The following NCKAP5 variants were observed in gnomAD, a reference collection of about 807,000 sequenced individuals.
NCKAP5 encodes nck-associated protein 5.
NCKAP5 carries 92 observed loss-of-function variants against 167.0 expected under a neutral mutation model. The ratio of observed to expected loss-of-function variants is 0.55; its 90% CI spans 0.47 to 0.66. The LOEUF (loss-of-function observed/expected upper bound fraction) is 0.66. Among genes scored for constraint, NCKAP5 ranks in the 30% least tolerant of loss-of-function variants. NCKAP5 has a pLI of 0.00. For missense variants in NCKAP5, 2,378 were observed against 2,315.0 expected, an observed-to-expected ratio of 1.03 and a Z score of -0.56; for synonymous variants, 891 against 877.4, an observed-to-expected ratio of 1.02 and a Z score of -0.27.
At chr2:133,501,417 C>T (rs1041190697) in intron 3 of NCKAP5, among the ~76,000 whole-genome samples, 3 of 152,104 alleles carry the variant, frequency 2.0e-5, no homozygotes, top group African/African-American at 4.8e-5. Context: ...TTGATTCAAT[C>T]TAGGGAAGCT....
Position 132,785,495 on chromosome 2 carries a change from G to A in NCKAP5, c.1316C>T (p.Pro439Leu). The A allele has an allele frequency of 3.1e-6, 5 of 1,613,090 alleles. No individual in the cohort carries two copies. The highest frequency in any genetic ancestry group is 4.2e-6 in the Non-Finnish European group (5 of 1,179,478). The change falls in exon 14 of 20, where the codon CCT (proline) becomes CTT (leucine). Residue 439 changes from proline to leucine, a missense_variant. By Grantham distance (98) the Pro-to-Leu change is moderately conservative. Coordinates refer to ENST00000409261, the MANE Select transcript of NCKAP5 (RefSeq NM_207363.3). ...CTTGAGGCTGCTACTTTTAATTCCA[G>A]GAGAATATATTCCTTCATTCGAGTT... is the stretch of plus-strand genomic sequence containing the variant. The part of the protein sequence containing the change: ...CMNSNEGIYS[P>L]GIKSSSLKEY...
Position 133,428,103 on chromosome 2 carries a change from C to A in NCKAP5, c.69+89355G>T, listed in dbSNP as rs189378940. Among the ~76,000 whole-genome samples the A allele has an allele frequency of 2.7e-3, 411 of 152,094 alleles. 1 individual carries two copies. The highest frequency in any genetic ancestry group is 9.3e-3 in the African/African-American group (388 of 41,524). ...TATTTTTGAAAGAACGGGCACTAGG[C>A]AAAAGTCACTCTACAGTTCATGTGG... On this transcript the variant is annotated intron_variant, in intron 3 of 19. Coordinates refer to ENST00000409261, the MANE Select transcript of NCKAP5 (RefSeq NM_207363.3).
chr2:132,998,738 A>C (rs1199928334), intron 6 of NCKAP5, among the ~76,000 whole-genome samples: 1 of 152,162 alleles, frequency 6.6e-6, no homozygotes, highest in Non-Finnish European at 1.5e-5. Flanking sequence ...CTAATGAATG[A>C]AAGTTTGCAT....
intron 3 of NCKAP5, among the ~76,000 whole-genome samples, chr2:133,327,902 T>C (rs1331487281): frequency 6.6e-6 from 1 of 152,152 alleles, no homozygotes; most frequent in Non-Finnish European, 1.5e-5. Context: ...GAGGGGCTGG[T>C]ACTGGCTGTT....
chr2:132,874,266 G>T (rs987139052), intron 9 of NCKAP5, among the ~76,000 whole-genome samples: 8 of 151,884 alleles, frequency 5.3e-5, no homozygotes, highest in South Asian at 2.1e-4. Flanking sequence ...CCACCACCAT[G>T]CCTGGTTAAT....
intron 3 of NCKAP5, among the ~76,000 whole-genome samples, chr2:133,311,225 GC>G (rs1477306776): frequency 1.7e-4 from 26 of 152,280 alleles, no homozygotes; most frequent in African/African-American, 6.3e-4. Flanking sequence ...ACATCCTCAA[GC>G]TTGATTAATT....
chr2:133,496,704 T>G (rs1327722228), intron 3 of NCKAP5, among the ~76,000 whole-genome samples: 1 of 152,194 alleles, frequency 6.6e-6, no homozygotes, highest in African/African-American at 2.4e-5. Context: ...TGTGTTTTAA[T>G]GAGTCTTTCA....
In NCKAP5 at chr2:133,510,971, G is replaced by A. The variant is rs368988671; in HGVS notation, c.69+6487C>T. 3.9e-5 allele frequency among the ~76,000 whole-genome samples: 6 copies of A among 152,314 alleles called. No individual in the cohort carries two copies. In the East Asian group the frequency reaches 7.7e-4, roughly 20 times the overall value. On this transcript the variant is annotated intron_variant, in intron 3 of 19. Coordinates refer to ENST00000409261, the MANE Select transcript of NCKAP5 (RefSeq NM_207363.3). ...TTCCATATAAAGTATTGAGCAGCAT[G>A]CCTAGCCTATATTAAGCCTCCATAA...
chr2:132,703,450 T>A (rs1283447637), intron 19 of NCKAP5, among the ~76,000 whole-genome samples: 1 of 152,190 alleles, frequency 6.6e-6, no homozygotes, highest in Non-Finnish European at 1.5e-5. Context: ...TTGCCTGGAT[T>A]TACTAGATTT....
chr2:133,511,178 C>T (rs891446217), intron 3 of NCKAP5, among the ~76,000 whole-genome samples: 1 of 152,224 alleles, frequency 6.6e-6, no homozygotes, highest in Non-Finnish European at 1.5e-5. Flanking sequence ...TCCATTCAGA[C>T]TGTCCCCAGC....
intron 5 of NCKAP5, among the ~76,000 whole-genome samples, chr2:133,160,233 G>T (rs2083731807): frequency 6.6e-6 from 1 of 152,022 alleles, no homozygotes; most frequent in Non-Finnish European, 1.5e-5. Context: ...GGAAGGATCT[G>T]CTCCAGGCCT....
At chr2:133,436,105 C>G (rs1690460034) in intron 3 of NCKAP5, among the ~76,000 whole-genome samples, 1 of 152,162 alleles carries the variant, frequency 6.6e-6, no homozygotes. Flanking sequence ...TTTACCATCC[C>G]CCCACTCCCC....
intron 8 of NCKAP5, among the ~76,000 whole-genome samples, chr2:132,959,822 T>A (rs2076459630): frequency 6.6e-6 from 1 of 152,034 alleles, no homozygotes. Context: ...TTGTTCTAAG[T>A]CAAATAAACA....
chr2:133,115,812 T>C lies in NCKAP5; in HGVS notation c.341+14166A>G, dbSNP rs1162355978. On this transcript the variant is annotated intron_variant, in intron 6 of 19. Transcript: ENST00000409261. ...ATATATATATATATATATATATATA[T>C]ATATAGTGTTCACACACACACACAC... 1.1e-3 allele frequency among the ~76,000 whole-genome samples: 97 copies of C among 87,698 alleles called. 2 individuals are homozygous for C. The highest frequency in any genetic ancestry group is 5.0e-3 in the African/African-American group (90 of 17,848). The allele number at this position is 87,698 out of a possible 152,430, so 57.5% of individuals were successfully genotyped here. A position where few individuals can be genotyped will look rare whatever the true frequency, so the allele number is the denominator to read the frequency against.
At chr2:132,931,298 A>C (rs1261731035) in intron 8 of NCKAP5, 1 of 152,186 alleles carries the variant, frequency 6.6e-6, no homozygotes, top group Non-Finnish European at 1.5e-5. Flanking sequence ...AGGCCTAATA[A>C]CAGGCGAATA....
intron 11 of NCKAP5, among the ~76,000 whole-genome samples, chr2:132,811,602 C>T (rs1187416747): frequency 6.6e-6 from 1 of 152,046 alleles, no homozygotes; most frequent in Non-Finnish European, 1.5e-5. Context: ...CTACCATGCT[C>T]CCCCCAACCC....
At chr2:133,511,524 T>G (rs1237223322) in intron 3 of NCKAP5, among the ~76,000 whole-genome samples, 1 of 152,168 alleles carries the variant, frequency 6.6e-6, no homozygotes, top group Non-Finnish European at 1.5e-5. Flanking sequence ...CTCCACCCAC[T>G]CTCAAGAGGG....
intron 3 of NCKAP5, among the ~76,000 whole-genome samples, chr2:133,469,795 G>A (rs1205304851): frequency 6.6e-6 from 1 of 151,518 alleles, no homozygotes; most frequent in Non-Finnish European, 1.5e-5. Flanking sequence ...TCTTCCAGTT[G>A]ATCGCATCGG....
chr2:133,082,101 T>C (rs1371428452), intron 6 of NCKAP5, among the ~76,000 whole-genome samples: 1 of 152,138 alleles, frequency 6.6e-6, no homozygotes, highest in Non-Finnish European at 1.5e-5. Flanking sequence ...GTGTTCTCAA[T>C]GTTGAGCTTC....
Sources: gnomAD v4.1 joint callset for allele counts (sites outside exome capture counted in the v4.1 genomes callset) on GRCh38, gnomAD v4.1.1 for gene constraint, MANE v1.5 for transcripts, NCBI Gene and HGNC (gene_info 2026-07-23, HGNC 2026-07-21) for gene names.